PHKB: variants seen among roughly 807,000 people sequenced by gnomAD.
PHKB encodes phosphorylase b kinase regulatory subunit beta.
In PHKB, 122 loss-of-function variants were observed where a neutral mutation model predicts 152.1. The observed-to-expected ratio is 0.80, with a 90% CI of 0.69 to 0.93. The LOEUF is 0.93. Ranked by LOEUF, PHKB falls within the 40% of genes least tolerant of loss-of-function variation. The probability of loss-of-function intolerance (pLI) is 0.00; values close to 1 mark genes in which losing one functional copy is unlikely to be tolerated. For synonymous variants in PHKB, 436 were observed against 464.9 expected (o/e 0.94, Z 0.80); for missense variants, 1,304 against 1,328.4 (o/e 0.98, Z 0.29).
chr16:47,648,229 C>A (rs1261805964), intron 16 of PHKB, among the ~76,000 whole-genome samples: 1 of 152,058 alleles, frequency 6.6e-6, no homozygotes, highest in East Asian at 1.9e-4. Flanking sequence ...ATACAGGAAG[C>A]ATTAGCCTCT....
At chr16:47,579,828 G>A (rs79523206) in intron 7 of PHKB, among the ~76,000 whole-genome samples, 1,642 of 152,250 alleles carry the variant, frequency 0.011, 32 homozygotes, top group African/African-American at 0.037. Flanking sequence ...AGGCAAGAGT[G>A]TTTGAAGGAT....
chr16:47,605,909 C>T (rs778119689), intron 13 of PHKB, among the ~76,000 whole-genome samples: 3 of 152,088 alleles, frequency 2.0e-5, no homozygotes, highest in Non-Finnish European at 2.9e-5. Context: ...CTCTGGGAGT[C>T]GACTGACTGT....
intron 14 of PHKB, among the ~76,000 whole-genome samples, chr16:47,621,363 A>G (rs983474195): frequency 2.0e-5 from 3 of 152,208 alleles, no homozygotes; most frequent in Non-Finnish European, 4.4e-5. Context: ...TGGTAGATAC[A>G]TTATATAGCA....
chr16:47,510,563 T>C (rs1970493369), intron 4 of PHKB, among the ~76,000 whole-genome samples: 1 of 152,204 alleles, frequency 6.6e-6, no homozygotes. Flanking sequence ...ATGTGTATTA[T>C]ATGATTTCAC....
intron 7 of PHKB, chr16:47,561,727 C>G (rs1012347142): frequency 6.6e-6 from 1 of 152,198 alleles, no homozygotes; most frequent in Non-Finnish European, 1.5e-5. Context: ...TCTTCATTCC[C>G]TTGATGAATA....
chr16:47,694,669 C>A (rs868315031), intron 28 of PHKB, among the ~76,000 whole-genome samples: 11 of 152,328 alleles, frequency 7.2e-5, no homozygotes, highest in South Asian at 2.1e-4. Context: ...AGGGCCCAGC[C>A]CTCTCCTGGG....
chr16:47,462,360 G>T (rs1185065479), intron 1 of PHKB: 1 of 152,192 alleles, frequency 6.6e-6, no homozygotes, highest in Admixed American at 6.5e-5. Flanking sequence ...TCGGACGGGC[G>T]CGGTGGCTCA....
intron 25 of PHKB, 155 bp downstream of exon 25, chr16:47,665,130 ACTTAATTTT>A: frequency 1.5e-6 from 1 of 646,252 alleles, no homozygotes; most frequent in Non-Finnish European, 2.8e-6. Context: ...TTAGTTATTG[ACTTAATTTT>A]CTTTTAGTCA....
At chr16:47,549,870 A>G (rs1201407571) in intron 7 of PHKB, among the ~76,000 whole-genome samples, 1 of 152,170 alleles carries the variant, frequency 6.6e-6, no homozygotes, top group African/African-American at 2.4e-5. Context: ...TAAGGTTTTT[A>G]TTTGAAGGCT....
At chr16:47,684,180 A>T (rs1299670629) in intron 26 of PHKB, among the ~76,000 whole-genome samples, 1 of 152,026 alleles carries the variant, frequency 6.6e-6, no homozygotes, top group Non-Finnish European at 1.5e-5. Flanking sequence ...AAAAAAATTA[A>T]AAATTAGCTG....
chr16:47,527,863 A>C (rs905934270), intron 6 of PHKB, among the ~76,000 whole-genome samples: 1 of 152,198 alleles, frequency 6.6e-6, no homozygotes, highest in African/African-American at 2.4e-5. Context: ...ACATGAGGAC[A>C]AAGCAGCAGG....
intron 6 of PHKB, among the ~76,000 whole-genome samples, chr16:47,543,786 A>G (rs954236401): frequency 4.6e-5 from 7 of 152,070 alleles, no homozygotes; most frequent in African/African-American, 1.7e-4. Context: ...CTTTATTTGA[A>G]TAGAGGTGTT....
chr16:47,637,445 G>A (rs1972941392), intron 14 of PHKB, among the ~76,000 whole-genome samples: 2 of 152,282 alleles, frequency 1.3e-5, no homozygotes, highest in South Asian at 4.1e-4. Context: ...CCAAGTGGGT[G>A]GAACGAGCCC....
intron 14 of PHKB, among the ~76,000 whole-genome samples, chr16:47,616,351 C>T (rs563159028): frequency 2.2e-4 from 34 of 151,350 alleles, no homozygotes; most frequent in African/African-American, 5.8e-4. Flanking sequence ...ATTTTATATA[C>T]GGTGTGAGGC....
rs114853143 is a variant in PHKB, at chr16:47,697,785, G to A, written c.3004-663G>A. Among the ~76,000 whole-genome samples, 555 of 152,330 alleles carry A rather than the reference G, an allele frequency of 3.6e-3. 4 individuals are homozygous for A. Among genetic ancestry groups the A allele is most frequent in the African/African-American group, 0.012 (515 of 41,582 alleles). ...TATTATTTTTGCTTATAGGAATTTA[G>A]CATCTAAAATGAACATTACCACTTA... is the stretch of plus-strand genomic sequence containing the variant. On this transcript the variant is annotated intron_variant, in intron 29 of 30. Coordinates refer to ENST00000323584, the MANE Select transcript of PHKB (RefSeq NM_000293.3).
At chr16:47,520,130 A>T (rs1173665103) in intron 6 of PHKB, among the ~76,000 whole-genome samples, 1 of 152,236 alleles carries the variant, frequency 6.6e-6, no homozygotes, top group Non-Finnish European at 1.5e-5. Context: ...TCTTAGAGGC[A>T]TTATAAGGTA....
At chr16:47,463,152 A>G (rs530906108) in intron 1 of PHKB, 2 of 152,750 alleles carry the variant, frequency 1.3e-5, no homozygotes, top group East Asian at 3.9e-4. Context: ...TTTAACTTTC[A>G]TAAGCTCATA....
At chr16:47,486,764 T>G (rs1478531374) in intron 1 of PHKB, among the ~76,000 whole-genome samples, 1 of 152,208 alleles carries the variant, frequency 6.6e-6, no homozygotes, top group Non-Finnish European at 1.5e-5. Flanking sequence ...ACTTCTTGAT[T>G]ATCTTTTTGG....
At chr16:47,594,245 A>G (rs759592208) in intron 12 of PHKB, 31 bp downstream of exon 12, 4 of 1,088,600 alleles carry the variant, frequency 3.7e-6, no homozygotes, top group South Asian at 1.2e-5. Flanking sequence ...AATTCTTCCT[A>G]CCAACATTTC....
Sources: allele counts gnomAD v4.1 joint callset (sites outside exome capture counted in the v4.1 genomes callset), GRCh38; gene constraint gnomAD v4.1.1; transcripts MANE v1.5; gene names NCBI Gene and HGNC (gene_info 2026-07-23, HGNC 2026-07-21).